The following GPC6 variants were observed in gnomAD, a reference collection of about 807,000 sequenced individuals.
GPC6 encodes glypican 6.
Under a neutral mutation model 55.2 loss-of-function variants are expected in GPC6, and 14 were observed. That is an observed-to-expected ratio of 0.25 (90% CI 0.17 to 0.40). The LOEUF (loss-of-function observed/expected upper bound fraction) is 0.40, where lower values mean the gene tolerates loss of function less well. GPC6 is among the 10% of genes least tolerant of loss of function. GPC6 has a pLI of 1.00. For synonymous variants in GPC6, 278 were observed against 259.6 expected (o/e 1.07, Z -0.68); for missense variants, 641 against 708.5 (o/e 0.90, Z 1.08).
chr13:94,231,672 C>A (rs1368330974), intron 4 of GPC6, among the ~76,000 whole-genome samples: 1 of 152,094 alleles, frequency 6.6e-6, no homozygotes, highest in Non-Finnish European at 1.5e-5. Context: ...GCTTTCTTAT[C>A]ATTAAAATGC....
chr13:94,186,574 T>G (rs961728774), intron 4 of GPC6, among the ~76,000 whole-genome samples: 2 of 152,180 alleles, frequency 1.3e-5, no homozygotes, highest in African/African-American at 4.8e-5. Context: ...AATTCAACCC[T>G]TGGCTACGAT....
At chr13:93,853,511 A>G (rs866899531) in intron 3 of GPC6, among the ~76,000 whole-genome samples, 6 of 151,690 alleles carry the variant, frequency 4.0e-5, no homozygotes, top group South Asian at 2.1e-4. Context: ...AGACCGTTCT[A>G]TATAATGCCT....
chr13:94,278,538 C>T (rs1349882588), intron 4 of GPC6, among the ~76,000 whole-genome samples: 2 of 152,114 alleles, frequency 1.3e-5, no homozygotes, highest in African/African-American at 4.8e-5. Context: ...ATGCTTCCAA[C>T]GTTTGCCCAT....
At chr13:93,493,683 C>G (rs947402507) in intron 1 of GPC6, among the ~76,000 whole-genome samples, 1 of 137,586 alleles carries the variant, frequency 7.3e-6, no homozygotes, top group African/African-American at 2.7e-5. Context: ...TCCCTCTACA[C>G]ACTGCATTGA....
intron 6 of GPC6, among the ~76,000 whole-genome samples, chr13:94,372,382 G>A (rs980064011): frequency 1.3e-5 from 2 of 152,176 alleles, no homozygotes; most frequent in African/African-American, 4.8e-5. Context: ...GAAGCAGGGC[G>A]AGGCATTGCC....
intron 6 of GPC6, among the ~76,000 whole-genome samples, chr13:94,378,398 C>T (rs1400059101): frequency 2.0e-5 from 3 of 152,062 alleles, no homozygotes; most frequent in Non-Finnish European, 4.4e-5. Context: ...TTAGATAGTT[C>T]TTTCTGGTCA....
chr13:94,387,565 A>G (rs1369410092), intron 7 of GPC6, among the ~76,000 whole-genome samples: 1 of 152,208 alleles, frequency 6.6e-6, no homozygotes, highest in Non-Finnish European at 1.5e-5. Flanking sequence ...ATTCTGATTC[A>G]GTAAGTGCTA....
rs1555316139 is a variant in GPC6 at position 94,288,885 on chromosome 13, AAT to A, written c.1008+2414_1008+2415del. On this transcript the variant is annotated intron_variant, in intron 5 of 8. Transcript: ENST00000377047. The stretch of plus-strand genomic sequence containing the variant: ...ATATATATTTGTTATATATATAACT[AAT>A]ATATATAACAAATATATATATATTT... 7.5e-3 allele frequency among the ~76,000 whole-genome samples: 251 copies of A among 33,348 alleles called. 25 individuals are homozygous for A. Among genetic ancestry groups the A allele is most frequent in the African/African-American group, 0.029 (227 of 7,952 alleles). 21.9% of individuals were successfully genotyped at this position (33,348 alleles called of 152,430 possible).
chr13:93,749,504 A>G (rs1432732368), intron 2 of GPC6, among the ~76,000 whole-genome samples: 5 of 151,964 alleles, frequency 3.3e-5, no homozygotes, highest in Non-Finnish European at 5.9e-5. Flanking sequence ...TAGGTCTTTT[A>G]CAACACAATC....
intron 1 of GPC6, among the ~76,000 whole-genome samples, chr13:93,355,345 G>A (rs1223633456): frequency 6.6e-6 from 1 of 152,286 alleles, no homozygotes. Context: ...AGGTGAAATA[G>A]GATGTGACAT....
intron 1 of GPC6, among the ~76,000 whole-genome samples, chr13:93,477,670 T>TA (rs748422662): frequency 5.3e-5 from 8 of 152,306 alleles, no homozygotes; most frequent in Middle Eastern, 3.4e-3. Flanking sequence ...GCATATAACT[T>TA]ACAGAATTGA....
chr13:94,230,280 C>G (rs192235627), intron 4 of GPC6, among the ~76,000 whole-genome samples: 1 of 152,216 alleles, frequency 6.6e-6, no homozygotes, highest in Admixed American at 6.5e-5. Context: ...ACTAGAAATG[C>G]CCAAGTCCTG....
intron 6 of GPC6, among the ~76,000 whole-genome samples, chr13:94,320,041 CTT>C (rs558466183): frequency 1.1e-4 from 16 of 152,172 alleles, no homozygotes; most frequent in Non-Finnish European, 2.2e-4. Context: ...CTCCACATCT[CTT>C]AACCTTTCTT....
chr13:93,403,186 A>G (rs1042871643), intron 1 of GPC6, among the ~76,000 whole-genome samples: 3 of 152,194 alleles, frequency 2.0e-5, no homozygotes, highest in Non-Finnish European at 4.4e-5. Flanking sequence ...TTAAACCATT[A>G]CAAAGATATT....
chr13:93,898,981 A>T (rs1270332932), intron 3 of GPC6, among the ~76,000 whole-genome samples: 1 of 148,274 alleles, frequency 6.7e-6, no homozygotes, highest in Admixed American at 6.8e-5. Context: ...ACACATATAT[A>T]TACATACATC....
At chr13:93,969,174 C>T (rs1880177813) in intron 3 of GPC6, among the ~76,000 whole-genome samples, 1 of 152,178 alleles carries the variant, frequency 6.6e-6, no homozygotes, top group Non-Finnish European at 1.5e-5. Context: ...AGTGTTATGG[C>T]AGCTTAGTAG....
At chr13:93,939,274 T>C (rs1878601094) in intron 3 of GPC6, among the ~76,000 whole-genome samples, 1 of 151,122 alleles carries the variant, frequency 6.6e-6, no homozygotes, top group South Asian at 2.1e-4. Context: ...GAGAAAAATA[T>C]TTGCCACATG....
At chr13:93,776,221 T>C (rs1428295042) in intron 2 of GPC6, among the ~76,000 whole-genome samples, 1 of 152,164 alleles carries the variant, frequency 6.6e-6, no homozygotes, top group African/African-American at 2.4e-5. Context: ...AATTTCATTA[T>C]GTTAATAGTG....
At chr13:93,439,233 G>C (rs920826341) in intron 1 of GPC6, among the ~76,000 whole-genome samples, 1 of 152,042 alleles carries the variant, frequency 6.6e-6, no homozygotes, top group African/African-American at 2.4e-5. Context: ...ATATCTACCA[G>C]TTATGCCTTG....
Sources: gnomAD v4.1 joint callset for allele counts (sites outside exome capture counted in the v4.1 genomes callset) on GRCh38, gnomAD v4.1.1 for gene constraint, MANE v1.5 for transcripts, NCBI Gene and HGNC (gene_info 2026-07-23, HGNC 2026-07-21) for gene names.